The following GMDS variants were observed in gnomAD, a reference collection of about 807,000 sequenced individuals.
The protein encoded by GMDS is GDP-mannose 4,6-dehydratase.
GMDS carries 20 observed loss-of-function variants against 49.9 expected under a neutral mutation model. The observed-to-expected ratio is 0.40, with a 90% CI of 0.28 to 0.58. The LOEUF (loss-of-function observed/expected upper bound fraction) is 0.58. Among genes scored for constraint, GMDS ranks in the 20% least tolerant of loss-of-function variants. The pLI, the probability that GMDS is intolerant of heterozygous loss-of-function variation, is 0.42. For synonymous variants in GMDS, 177 were observed against 178.6 expected, an observed-to-expected ratio of 0.99 and a Z score of 0.07; for missense variants, 362 against 481.4, an observed-to-expected ratio of 0.75 and a Z score of 2.32.
At chr6:1,887,936 T>G (rs545543450) in intron 7 of GMDS, among the ~76,000 whole-genome samples, 4 of 152,024 alleles carry the variant, frequency 2.6e-5, no homozygotes, top group African/African-American at 9.6e-5. Flanking sequence ...GTATTTTTAG[T>G]TTTTAGGTTT....
At chr6:2,105,492 G>A (rs1774190859) in intron 4 of GMDS, among the ~76,000 whole-genome samples, 1 of 152,012 alleles carries the variant, frequency 6.6e-6, no homozygotes. Context: ...AAATAGAAAG[G>A]CACTCTAGTG....
At chr6:1,809,341 G>A (rs985890665) in intron 7 of GMDS, among the ~76,000 whole-genome samples, 1 of 152,142 alleles carries the variant, frequency 6.6e-6, no homozygotes, top group Non-Finnish European at 1.5e-5. Flanking sequence ...TGTACCGGCC[G>A]GGAGCTCACG....
rs75962173 is a variant in GMDS at position 2,091,167 on chromosome 6, A to G, written c.345+24604T>C. Among the ~76,000 whole-genome samples, 34 of 152,340 alleles carry G rather than the reference A, an allele frequency of 2.2e-4. 1 individual carries two copies. The East Asian group carries it at 6.2e-3, about 28-fold the overall frequency. ...ACCCAGTGTGGTTTGAAATATCCTC[A>G]CCAGATGTTTGGATAGATGTGAAAC... On this transcript the variant is annotated intron_variant, in intron 4 of 10. Transcript: ENST00000380815.
chr6:2,096,743 T>C (rs1380364950), intron 4 of GMDS, among the ~76,000 whole-genome samples: 2 of 152,158 alleles, frequency 1.3e-5, no homozygotes, highest in Non-Finnish European at 2.9e-5. Flanking sequence ...ATTTGACCTA[T>C]GCCAAAAAGG....
chr6:1,962,051 T>A (rs1237165940), intron 4 of GMDS, among the ~76,000 whole-genome samples: 1 of 152,238 alleles, frequency 6.6e-6, no homozygotes, highest in Admixed American at 6.5e-5. Context: ...AGTCTGTTAT[T>A]TTTATTCTTT....
chr6:2,148,344 A>G (rs781423329), intron 1 of GMDS, among the ~76,000 whole-genome samples: 15 of 152,212 alleles, frequency 9.9e-5, no homozygotes, highest in Non-Finnish European at 1.9e-4. Context: ...CGGGCAGCAA[A>G]GTATAAATAT....
intron 7 of GMDS, among the ~76,000 whole-genome samples, chr6:1,810,943 G>A (rs979233789): frequency 6.6e-6 from 1 of 151,992 alleles, no homozygotes; most frequent in Non-Finnish European, 1.5e-5. Context: ...GAAACGGGAA[G>A]TATCTCACAA....
intron 9 of GMDS, among the ~76,000 whole-genome samples, chr6:1,645,814 T>C (rs983855427): frequency 6.6e-6 from 1 of 152,202 alleles, no homozygotes; most frequent in Non-Finnish European, 1.5e-5. Context: ...CTGTGAGAAG[T>C]CTCCACATGC....
chr6:2,228,327 T>C (rs1218133490), intron 1 of GMDS, among the ~76,000 whole-genome samples: 2 of 152,194 alleles, frequency 1.3e-5, no homozygotes, highest in Non-Finnish European at 2.9e-5. Flanking sequence ...CACGTCCTCC[T>C]TTTCCTCCCC....
chr6:2,188,467 C>T (rs975333153), intron 1 of GMDS, among the ~76,000 whole-genome samples: 2 of 152,118 alleles, frequency 1.3e-5, no homozygotes, highest in Non-Finnish European at 2.9e-5. Context: ...GGAAAAAATG[C>T]TATTTTGATA....
At chr6:1,693,640 T>C (rs1456449868) in intron 9 of GMDS, among the ~76,000 whole-genome samples, 1 of 152,222 alleles carries the variant, frequency 6.6e-6, no homozygotes, top group African/African-American at 2.4e-5. Flanking sequence ...TCCCTGTCAC[T>C]CCATCTTGGC....
At chr6:2,133,934 C>G (rs950032099) in intron 1 of GMDS, among the ~76,000 whole-genome samples, 2 of 152,160 alleles carry the variant, frequency 1.3e-5, no homozygotes, top group African/African-American at 4.8e-5. Flanking sequence ...TGGGGATAGG[C>G]ACACCTGGCA....
chr6:1,910,103 CTT>C (rs551687440), intron 7 of GMDS, among the ~76,000 whole-genome samples: 52 of 151,922 alleles, frequency 3.4e-4, no homozygotes, highest in African/African-American at 1.2e-3. Context: ...GATTTATTGA[CTT>C]AAAAATATTC....
At chr6:1,820,307 C>A (rs538546428) in intron 7 of GMDS, among the ~76,000 whole-genome samples, 1 of 152,182 alleles carries the variant, frequency 6.6e-6, no homozygotes, top group Non-Finnish European at 1.5e-5. Context: ...ACAAAAAGCA[C>A]TGGATTTCAC....
chr6:2,165,681 A>G (rs1274896850), intron 1 of GMDS, among the ~76,000 whole-genome samples: 1 of 152,216 alleles, frequency 6.6e-6, no homozygotes, highest in Non-Finnish European at 1.5e-5. Flanking sequence ...GTGGAAGACA[A>G]CTCATGTTAA....
chr6:2,002,727 G>C (rs1056260250), intron 4 of GMDS, among the ~76,000 whole-genome samples: 1 of 152,136 alleles, frequency 6.6e-6, no homozygotes, highest in African/African-American at 2.4e-5. Flanking sequence ...ACTTTTTAAA[G>C]ACACTGTAAC....
intron 4 of GMDS, among the ~76,000 whole-genome samples, chr6:1,972,269 T>TG (rs1484580852): frequency 2.6e-5 from 4 of 151,174 alleles, no homozygotes; most frequent in East Asian, 1.9e-4. Flanking sequence ...TTTGTTTTTT[T>TG]TTTTTTTTTA....
intron 4 of GMDS, among the ~76,000 whole-genome samples, chr6:2,071,637 A>C (rs759610923): frequency 6.6e-6 from 1 of 152,088 alleles, no homozygotes; most frequent in Non-Finnish European, 1.5e-5. Flanking sequence ...AACATTTAAC[A>C]ACTGAAAAAG....
chr6:2,121,732 T>A (rs927994371), intron 2 of GMDS, among the ~76,000 whole-genome samples: 4 of 152,236 alleles, frequency 2.6e-5, no homozygotes, highest in Admixed American at 2.0e-4. Flanking sequence ...TCATTTTGCT[T>A]TTCTGATGGG....
Sources: gnomAD v4.1 joint callset for allele counts (sites outside exome capture counted in the v4.1 genomes callset) on GRCh38, gnomAD v4.1.1 for gene constraint, MANE v1.5 for transcripts, NCBI Gene and HGNC (gene_info 2026-07-23, HGNC 2026-07-21) for gene names.